The following ACSF3 variants were observed in gnomAD, a reference collection of about 807,000 sequenced individuals.
ACSF3 encodes acyl-CoA synthetase family member 3.
In ACSF3, 78 loss-of-function variants were observed where a neutral mutation model predicts 53.2. That is an observed-to-expected ratio of 1.47 (90% confidence interval 1.22 to 1.77). The LOEUF is 1.77. ACSF3 is among the 40% of genes most tolerant of loss of function. ACSF3 has a pLI of 0.00. For missense variants in ACSF3, 937 were observed against 771.1 expected, an observed-to-expected ratio of 1.22 and a Z score of -2.55; for synonymous variants, 414 against 333.1, an observed-to-expected ratio of 1.24 and a Z score of -2.65.
At chr16:89,101,534 G>A (rs751697118) in intron 3 of ACSF3, among the ~76,000 whole-genome samples, 187 bp downstream of exon 3, 1 of 152,212 alleles carries the variant, frequency 6.6e-6, no homozygotes, top group Non-Finnish European at 1.5e-5. Flanking sequence ...CACTGGCCAC[G>A]CAGGACGGCT....
intron 1 of ACSF3, among the ~76,000 whole-genome samples, chr16:89,096,673 C>T (rs1974646541): frequency 6.6e-6 from 1 of 152,170 alleles, no homozygotes; most frequent in Admixed American, 6.5e-5. Context: ...AATGTGACTT[C>T]CCGGCATCTG....
chr16:89,111,273 C>T lies in ACSF3; in HGVS notation c.823-819C>T, dbSNP rs538258371. Reference sequence around the variant, plus strand: ...CTTTGAAAGAATGATATTATTTCTTCCCCGGAGATTCCTGCCTTTCTCTGC... The same window carrying T: ...CTTTGAAAGAATGATATTATTTCTTTCCCGGAGATTCCTGCCTTTCTCTGC... On this transcript the variant is annotated intron_variant, in intron 4 of 10. Transcript: ENST00000614302. 3.3e-5 allele frequency among the ~76,000 whole-genome samples: 5 copies of T among 152,364 alleles called. No individual in the cohort carries two copies. In the East Asian group the frequency reaches 9.6e-4, roughly 29 times the overall value.
In ACSF3 at chr16:89,103,052, G is replaced by A. The variant is rs375627751; in HGVS notation, c.822+293G>A. Among the ~76,000 whole-genome samples, 74 of 152,336 alleles carry A rather than the reference G, an allele frequency of 4.9e-4. 2 individuals are homozygous for A. The South Asian group carries it at 0.015, about 31-fold the overall frequency. On this transcript the variant is annotated intron_variant, in intron 4 of 10. Transcript: ENST00000614302. ...ATTTATAAGTTAGGCACAGTAAGAG[G>A]TTAACAATAACAGAACAGTTATAAC...
chr16:89,126,923 C>G (rs944723235), intron 7 of ACSF3, among the ~76,000 whole-genome samples: 1 of 152,284 alleles, frequency 6.6e-6, no homozygotes, highest in Admixed American at 6.5e-5. Context: ...AGATTCCATT[C>G]TATCTATAAT....
At chr16:89,104,593 A>T (rs568300124) in intron 4 of ACSF3, among the ~76,000 whole-genome samples, 7 of 152,310 alleles carry the variant, frequency 4.6e-5, no homozygotes, top group African/African-American at 1.7e-4. Flanking sequence ...GCAAGCAGTC[A>T]GCCCTGCCCA....
chr16:89,100,981 C>A lies in ACSF3; in HGVS notation c.300C>A (p.Phe100Leu), dbSNP rs1975236941. ...GGDLREERVSFLCANDASYVV... is the reference protein window; with the variant it reads ...GGDLREERVSLLCANDASYVV... ...ACCTCCGGGAGGAGAGGGTCTCCTT[C>A]CTATGCGCTAACGATGCCTCCTACG... The change falls in exon 3 of 11, where the codon TTC (phenylalanine) becomes TTA (leucine). Residue 100 changes from phenylalanine (F) to leucine (L), a missense_variant. Physicochemically the swap from Phe to Leu is conservative, Grantham distance 22. Transcript: ENST00000614302. 1 of 1,613,520 alleles carries A rather than the reference C, an allele frequency of 6.2e-7. No individual in the cohort carries two copies. Among genetic ancestry groups the A allele is most frequent in the Admixed American group, 1.7e-5 (1 of 60,006 alleles).
At position 89,101,071 on chromosome 16, in the gene ACSF3, C is replaced by T. The variant is rs368192538; in HGVS notation, c.390C>T (p.Pro130=). ...GVAVPLYRKH[P]AAQLEYVICD... is the part of the protein sequence containing the mutation. ...CAGTCCCCCTCTACAGGAAGCATCC[C>T]GCGGCCCAGCTGGAGTATGTCATCT... is the stretch of plus-strand genomic sequence containing the variant. Residue 130 remains proline (P), a synonymous_variant, in exon 3 of 11, where the codon CCC becomes CCT. Transcript: ENST00000614302. The T allele has an allele frequency of 1.6e-5, 26 of 1,613,912 alleles. No homozygotes were observed. Among genetic ancestry groups the T allele is most frequent in the African/African-American group, 4.0e-5 (3 of 74,912 alleles).
chr16:89,132,171 C>T (rs1909471214), intron 7 of ACSF3, among the ~76,000 whole-genome samples: 1 of 152,268 alleles, frequency 6.6e-6, no homozygotes, highest in African/African-American at 2.4e-5. Flanking sequence ...AGCTACTTCC[C>T]TGGCCCCTGG....
intron 8 of ACSF3, chr16:89,136,573 G>C: frequency 7.8e-7 from 1 of 1,279,488 alleles, no homozygotes; most frequent in East Asian, 5.6e-5. Context: ...ACGGATTCTG[G>C]CATAAGCCGG....
At chr16:89,141,408 G>A (rs1911733372) in intron 8 of ACSF3, 2 of 1,000,096 alleles carry the variant, frequency 2.0e-6, no homozygotes, top group African/African-American at 1.7e-5. Context: ...TGGGAGGGAA[G>A]CAGCGGGGCC....
chr16:89,102,544 G>A (rs1975468740), intron 3 of ACSF3, 60 bp from the exon 4 acceptor site: 1 of 1,598,808 alleles, frequency 6.3e-7, no homozygotes, highest in African/African-American at 1.3e-5. Flanking sequence ...CGAGGTCTGT[G>A]TGTGCTGTTG....
At chr16:89,098,866 AC>A in intron 2 of ACSF3, 103 bp downstream of exon 2, 4 of 443,140 alleles carry the variant, frequency 9.0e-6, no homozygotes, top group South Asian at 6.3e-5. Flanking sequence ...CTGAGATGAA[AC>A]CTAACCTAAT....
Position 89,151,172 on chromosome 16 carries a change from T to C in ACSF3, c.1614-2918T>C, listed in dbSNP as rs1233805572. 6 of 573,334 alleles carry C rather than the reference T, an allele frequency of 1.0e-5. No homozygotes were observed. The Admixed American group carries it at 1.2e-4, about 11-fold the overall frequency. The allele number at this position is 573,334 out of a possible 1,614,324, so 35.5% of individuals were successfully genotyped here. The stretch of plus-strand genomic sequence containing the variant: ...TATCCAGTGAAGTCAGCAGTTCAGA[T>C]GAAACAGATAACTCCCTTAAAAGAC... On this transcript the variant is annotated intron_variant, in intron 10 of 10. Coordinates refer to ENST00000614302, the MANE Select transcript of ACSF3 (RefSeq NM_001243279.3).
intron 6 of ACSF3, 92 bp downstream of exon 6, chr16:89,114,579 A>C: frequency 2.5e-6 from 4 of 1,572,968 alleles, no homozygotes; most frequent in Non-Finnish European, 3.4e-6. Context: ...TTCGGACTGA[A>C]GGGCGGCATG....
At chr16:89,149,336 C>T (rs1913681862) in intron 10 of ACSF3, 1 of 152,206 alleles carries the variant, frequency 6.6e-6, no homozygotes, top group African/African-American at 2.4e-5. Context: ...AGCAGTGCCC[C>T]ACTTCCCTGT....
chr16:89,110,557 T>C (rs181113953), intron 4 of ACSF3, among the ~76,000 whole-genome samples: 33 of 152,380 alleles, frequency 2.2e-4, no homozygotes, highest in African/African-American at 6.5e-4. Context: ...TCGTTACTTC[T>C]GGTTTACGTC....
chr16:89,144,261 CTTGG>C (rs1912460222), intron 8 of ACSF3, among the ~76,000 whole-genome samples: 1 of 152,260 alleles, frequency 6.6e-6, no homozygotes, highest in African/African-American at 2.4e-5. Flanking sequence ...ACGAAGGAAG[CTTGG>C]TTCCCACAGG....
At chr16:89,152,304 A>G (rs1268474525) in intron 10 of ACSF3, 2 of 152,272 alleles carry the variant, frequency 1.3e-5, no homozygotes, top group Non-Finnish European at 2.9e-5. Flanking sequence ...AGTTGCTTCA[A>G]TAAAACTTTA....
At chr16:89,115,086 C>T (rs1425452613) in intron 6 of ACSF3, 1 of 216,736 alleles carries the variant, frequency 4.6e-6, no homozygotes, top group African/African-American at 2.3e-5. Flanking sequence ...GAGCCCACAG[C>T]TGGGGGGCCA....
Sources: allele counts gnomAD v4.1 joint callset (sites outside exome capture counted in the v4.1 genomes callset), GRCh38; gene constraint gnomAD v4.1.1; transcripts MANE v1.5; gene names NCBI Gene and HGNC (gene_info 2026-07-23, HGNC 2026-07-21).